The following COL21A1 variants were observed in gnomAD, a reference collection of about 807,000 sequenced individuals.
COL21A1 encodes collagen type XXI alpha 1 chain.
In COL21A1, 149 loss-of-function variants were observed where a neutral mutation model predicts 137.9. The observed-to-expected ratio is 1.08, with a 90% CI of 0.95 to 1.24. The LOEUF (loss-of-function observed/expected upper bound fraction) is 1.24, where lower values mean the gene tolerates loss of function less well. COL21A1 is among the 50% of genes most tolerant of loss of function. COL21A1 has a pLI of 0.00. For synonymous variants in COL21A1, 456 were observed against 391.5 expected (o/e 1.16, Z -1.95); for missense variants, 1,167 against 1,158.4 (o/e 1.01, Z -0.11).
intron 1 of COL21A1, among the ~76,000 whole-genome samples, chr6:56,300,599 C>A (rs1197727816): frequency 6.6e-6 from 1 of 152,038 alleles, no homozygotes; most frequent in Non-Finnish European, 1.5e-5. Context: ...GAAATGTTTT[C>A]TTGAGACATA....
intron 1 of COL21A1, among the ~76,000 whole-genome samples, chr6:56,314,225 T>C (rs1174650538): frequency 2.0e-5 from 3 of 152,148 alleles, no homozygotes; most frequent in African/African-American, 7.2e-5. Context: ...GCTTGTGATC[T>C]GCCCACCTTG....
intron 1 of COL21A1, among the ~76,000 whole-genome samples, chr6:56,185,609 G>C (rs1250410269): frequency 1.4e-4 from 21 of 151,248 alleles, no homozygotes. Context: ...CTAATTTTTT[G>C]TATTTTTAGT....
At chr6:56,204,665 A>G (rs768557547) in intron 1 of COL21A1, among the ~76,000 whole-genome samples, 1 of 151,616 alleles carries the variant, frequency 6.6e-6, no homozygotes, top group Non-Finnish European at 1.5e-5. Context: ...TGGGTCCCTG[A>G]CCCCCGTGTA....
chr6:56,126,085 A>T lies in COL21A1; in HGVS notation c.1596+11T>A, dbSNP rs1489325292. The stretch of plus-strand genomic sequence containing the variant: ...GCTTTGCTATATTTAAAAGAAACAG[A>T]TTTCTTCAACCTTTGATCCTGGCAT... On this transcript the variant is annotated intron_variant, in intron 13 of 29. Coordinates refer to ENST00000244728, the MANE Select transcript of COL21A1 (RefSeq NM_030820.4). The T allele has an allele frequency of 1.3e-6, 2 of 1,525,320 alleles. No individual in the cohort carries two copies. The highest frequency in any genetic ancestry group is 1.8e-6 in the Non-Finnish European group (2 of 1,129,598). The allele number at this position is 1,525,320 out of a possible 1,614,324, so 94.5% of individuals were successfully genotyped here. A position where few individuals can be genotyped will look rare whatever the true frequency, so the allele number is the denominator to read the frequency against.
intron 1 of COL21A1, among the ~76,000 whole-genome samples, chr6:56,332,475 CATT>C (rs1366609252): frequency 1.4e-5 from 2 of 142,916 alleles, no homozygotes; most frequent in Non-Finnish European, 3.1e-5. Flanking sequence ...TTGGGTAAAA[CATT>C]TTTTTTTTTT....
At chr6:56,382,994 A>G (rs1407449322) in intron 1 of COL21A1, among the ~76,000 whole-genome samples, 1 of 152,126 alleles carries the variant, frequency 6.6e-6, no homozygotes, top group South Asian at 2.1e-4. Flanking sequence ...ACCTTTGCTA[A>G]TAACTTCCTC....
At chr6:56,375,531 C>T (rs998464687) in intron 1 of COL21A1, among the ~76,000 whole-genome samples, 1 of 152,074 alleles carries the variant, frequency 6.6e-6, no homozygotes, top group African/African-American at 2.4e-5. Flanking sequence ...TTCTTCTTGC[C>T]CTGTCAGGAT....
At chr6:56,192,808 C>A (rs972780011) in intron 1 of COL21A1, among the ~76,000 whole-genome samples, 1 of 152,052 alleles carries the variant, frequency 6.6e-6, no homozygotes, top group African/African-American at 2.4e-5. Context: ...ACTAGAAATA[C>A]CATTTGACCC....
At chr6:56,247,111 G>T (rs983811417) in intron 1 of COL21A1, among the ~76,000 whole-genome samples, 1 of 152,156 alleles carries the variant, frequency 6.6e-6, no homozygotes, top group Non-Finnish European at 1.5e-5. Context: ...GCACGTTATC[G>T]TACTCAGAAG....
chr6:56,098,698 T>TATATATAGAA (rs1770107618), intron 17 of COL21A1, among the ~76,000 whole-genome samples: 2 of 70,710 alleles, frequency 2.8e-5, no homozygotes, highest in African/African-American at 1.1e-4. Flanking sequence ...AATATATAAA[T>TATATATAGAA]ATATATATAA....
chr6:56,284,105 T>TGTA (rs1763848925), intron 1 of COL21A1, among the ~76,000 whole-genome samples: 1 of 152,186 alleles, frequency 6.6e-6, no homozygotes, highest in East Asian at 1.9e-4. Flanking sequence ...TGTAGTGCAG[T>TGTA]GACACCATCT....
At chr6:56,130,964 T>C (rs953444947) in intron 12 of COL21A1, among the ~76,000 whole-genome samples, 1 of 152,156 alleles carries the variant, frequency 6.6e-6, no homozygotes, top group Non-Finnish European at 1.5e-5. Context: ...AGGATGGGCA[T>C]GTAACATAAA....
At position 56,357,921 on chromosome 6, in the gene COL21A1, G is replaced by C. The variant is rs118164862; in HGVS notation, c.-39+36050C>G. Among the ~76,000 whole-genome samples, 117 of 152,284 alleles carry C rather than the reference G, an allele frequency of 7.7e-4. No individual in the cohort carries two copies. The East Asian group carries it at 0.021, about 27-fold the overall frequency. On this transcript the variant is annotated intron_variant, in intron 1 of 28. Transcript: ENST00000370819. ...AGAACCTCAACAATTCTGAGTCAGA[G>C]TGATTCAGTGAAGATAGACTGAATG...
At chr6:56,119,486 A>C (rs1444922033) in intron 16 of COL21A1, among the ~76,000 whole-genome samples, 2 of 152,200 alleles carry the variant, frequency 1.3e-5, no homozygotes, top group Non-Finnish European at 2.9e-5. Context: ...ATAATACCAA[A>C]GGAATTTACA....
intron 1 of COL21A1, among the ~76,000 whole-genome samples, chr6:56,373,297 A>AT (rs1219052139): frequency 2.0e-5 from 3 of 152,320 alleles, no homozygotes; most frequent in African/African-American, 7.2e-5. Flanking sequence ...TTAAAAATTA[A>AT]TTTTTTTATT....
chr6:56,243,245 A>G (rs1261187308), intron 1 of COL21A1, among the ~76,000 whole-genome samples: 1 of 152,182 alleles, frequency 6.6e-6, no homozygotes, highest in Non-Finnish European at 1.5e-5. Context: ...AACACAGAAC[A>G]CAGTCTAAAA....
intron 1 of COL21A1, among the ~76,000 whole-genome samples, chr6:56,318,628 C>A (rs1039473850): frequency 2.0e-5 from 3 of 152,100 alleles, no homozygotes; most frequent in Non-Finnish European, 4.4e-5. Context: ...TCCTGCTGCA[C>A]TTGATGAGTG....
chr6:56,233,108 T>C (rs1403974516), intron 1 of COL21A1, among the ~76,000 whole-genome samples: 2 of 151,810 alleles, frequency 1.3e-5, no homozygotes, highest in Non-Finnish European at 2.9e-5. Flanking sequence ...CAGTAATCTA[T>C]GAGTTTGGGC....
In COL21A1 at chr6:56,243,191, G is replaced by C. The variant is rs1052931430; in HGVS notation, c.-39+4196C>G. Among the ~76,000 whole-genome samples, 7 of 151,746 alleles carry C rather than the reference G, an allele frequency of 4.6e-5. No homozygotes were observed. The South Asian group carries it at 1.3e-3, about 27-fold the overall frequency. On this transcript the variant is annotated intron_variant, in intron 1 of 29. Transcript: ENST00000244728. ...TGTTCCAGGGACTCTCTTTATAAAT[G>C]ACATGATTACTTTACTCTTTTCACA...
Sources: gnomAD v4.1 joint callset for allele counts (sites outside exome capture counted in the v4.1 genomes callset) on GRCh38, gnomAD v4.1.1 for gene constraint, MANE v1.5 for transcripts, NCBI Gene and HGNC (gene_info 2026-07-23, HGNC 2026-07-21) for gene names.